Variants in SLCO2A1 observed in about 807,000 individuals in gnomAD.
SLCO2A1 encodes solute carrier organic anion transporter family member 2A1, also known as matrin F/G 1.
SLCO2A1 carries 60 observed loss-of-function variants against 71.7 expected under a neutral mutation model. That is an observed-to-expected ratio of 0.84 (90% CI 0.68 to 1.04). The LOEUF (loss-of-function observed/expected upper bound fraction) is 1.04, where lower values mean the gene tolerates loss of function less well. Ranked by LOEUF, SLCO2A1 falls within the 50% of genes least tolerant of loss-of-function variation. The probability of loss-of-function intolerance (pLI) is 0.00; values close to 1 mark genes in which losing one functional copy is unlikely to be tolerated. For synonymous variants in SLCO2A1, 308 were observed against 326.7 expected, an observed-to-expected ratio of 0.94 and a Z score of 0.62; for missense variants, 745 against 813.4, an observed-to-expected ratio of 0.92 and a Z score of 1.02.
At chr3:133,987,131 G>GCCCCCCCCCCCCCCCCCCCCCCCCCCCC (rs71136502) in intron 1 of SLCO2A1, among the ~76,000 whole-genome samples, 1 of 105,032 alleles carries the variant, frequency 9.5e-6, no homozygotes, top group African/African-American at 3.9e-5. Flanking sequence ...AAAATTCAAA[G>GCCCCCCCCCCCCCCCCCCCCCCCCCCCC]CCCCCCCCCC....
chr3:133,942,813 T>C, intron 10 of SLCO2A1, 45 bp from the exon 11 acceptor site: 1 of 1,559,358 alleles, frequency 6.4e-7, no homozygotes, highest in East Asian at 2.3e-5. Context: ...TTGTTATTAT[T>C]TCACTTTCAC....
chr3:134,020,526 G>T (rs1046509861), intron 1 of SLCO2A1, among the ~76,000 whole-genome samples: 1 of 152,226 alleles, frequency 6.6e-6, no homozygotes, highest in African/African-American at 2.4e-5. Context: ...TGTGTGGCAG[G>T]CCCCCATAGA....
At chr3:134,011,111 C>T (rs532277663) in intron 1 of SLCO2A1, among the ~76,000 whole-genome samples, 3 of 152,200 alleles carry the variant, frequency 2.0e-5, no homozygotes, top group South Asian at 2.1e-4. Context: ...AGTGCAATGG[C>T]GCGATCTCGG....
intron 9 of SLCO2A1, among the ~76,000 whole-genome samples, chr3:133,946,688 T>C (rs1031555551): frequency 4.6e-5 from 7 of 152,196 alleles, no homozygotes; most frequent in Non-Finnish European, 8.8e-5. Flanking sequence ...TCAAACAAAT[T>C]AGTTTTTGGT....
At chr3:134,005,733 G>A (rs530803967) in intron 1 of SLCO2A1, among the ~76,000 whole-genome samples, 250 of 152,062 alleles carry the variant, frequency 1.6e-3, no homozygotes, top group African/African-American at 5.4e-3. Flanking sequence ...CACCGGCCTC[G>A]GCCTCCCAAA....
chr3:134,027,100 G>A (rs1470402173), intron 1 of SLCO2A1, among the ~76,000 whole-genome samples: 2 of 152,064 alleles, frequency 1.3e-5, no homozygotes, highest in African/African-American at 2.4e-5. Flanking sequence ...AATCACTATC[G>A]ATCTGTCTTG....
intron 1 of SLCO2A1, among the ~76,000 whole-genome samples, chr3:134,012,595 T>C (rs989360774): frequency 3.9e-5 from 6 of 152,214 alleles, no homozygotes; most frequent in Non-Finnish European, 8.8e-5. Context: ...TCAACATTTA[T>C]ATAGATTCTA....
chr3:133,984,764 T>A (rs1934674462), intron 1 of SLCO2A1, among the ~76,000 whole-genome samples: 1 of 152,208 alleles, frequency 6.6e-6, no homozygotes, highest in African/African-American at 2.4e-5. Context: ...AACCTACCCT[T>A]CCCCATTATT....
intron 1 of SLCO2A1, among the ~76,000 whole-genome samples, chr3:133,982,905 T>C (rs1010134863): frequency 6.6e-6 from 1 of 152,182 alleles, no homozygotes; most frequent in African/African-American, 2.4e-5. Flanking sequence ...ACACTGCTGT[T>C]AGCCAAACAG....
chr3:134,022,014 A>G (rs1160727336), intron 1 of SLCO2A1, among the ~76,000 whole-genome samples: 1 of 151,598 alleles, frequency 6.6e-6, no homozygotes, highest in Non-Finnish European at 1.5e-5. Context: ...AAAAACTTTT[A>G]GAGGAAACCT....
chr3:133,937,119 G>A (rs1290471512), intron 12 of SLCO2A1, among the ~76,000 whole-genome samples: 1 of 152,146 alleles, frequency 6.6e-6, no homozygotes, highest in Non-Finnish European at 1.5e-5. Context: ...GAGAGTCCTT[G>A]TTTTCAAGGT....
At chr3:134,020,480 AG>A (rs1278637815) in intron 1 of SLCO2A1, among the ~76,000 whole-genome samples, 1 of 152,248 alleles carries the variant, frequency 6.6e-6, no homozygotes, top group Non-Finnish European at 1.5e-5. Flanking sequence ...GCTCAGGGGT[AG>A]GCATTTGCCC....
chr3:133,956,343 C>G (rs2108046520), intron 3 of SLCO2A1, among the ~76,000 whole-genome samples: 1 of 152,260 alleles, frequency 6.6e-6, no homozygotes, highest in East Asian at 1.9e-4. Context: ...CTGTGCTCTT[C>G]ATTGCCCTTT....
intron 10 of SLCO2A1, among the ~76,000 whole-genome samples, chr3:133,944,656 A>G (rs1319785344): frequency 6.6e-6 from 1 of 152,206 alleles, no homozygotes; most frequent in Non-Finnish European, 1.5e-5. Flanking sequence ...GGTTGAACCA[A>G]GTGCCCTCAG....
At chr3:133,949,097 G>A in intron 6 of SLCO2A1, 126 bp from the exon 7 acceptor site, 1 of 722,420 alleles carries the variant, frequency 1.4e-6, no homozygotes. Flanking sequence ...CCAGGCGTGT[G>A]TGCATGGGAG....
chr3:134,028,028 G>C (rs1385602720), intron 1 of SLCO2A1, among the ~76,000 whole-genome samples: 1 of 152,166 alleles, frequency 6.6e-6, no homozygotes, highest in Admixed American at 6.5e-5. Flanking sequence ...CAGCCCTCAG[G>C]TACGTGTGGT....
chr3:134,003,894 A>G (rs1477594015), intron 1 of SLCO2A1, among the ~76,000 whole-genome samples: 1 of 152,174 alleles, frequency 6.6e-6, no homozygotes, highest in Non-Finnish European at 1.5e-5. Flanking sequence ...GAAGGCCTTT[A>G]AAGCAGAGGT....
At chr3:133,967,398 A>G (rs1433152665) in intron 3 of SLCO2A1, among the ~76,000 whole-genome samples, 2 of 152,170 alleles carry the variant, frequency 1.3e-5, no homozygotes, top group Non-Finnish European at 1.5e-5. Flanking sequence ...CACCATCACC[A>G]TGGAGCGCAG....
In SLCO2A1 at chr3:134,007,113, T is replaced by C. The variant is rs529046429; in HGVS notation, c.96+22594A>G. On this transcript the variant is annotated intron_variant, in intron 1 of 13. Transcript: ENST00000310926. The stretch of plus-strand genomic sequence containing the variant: ...ATCTTTTCATGTGCCTTTTGGCCAC[T>C]TGTGTATCATTTTTAGAGAAATGTC... Among the ~76,000 whole-genome samples, 14 of 152,378 alleles carry C rather than the reference T, an allele frequency of 9.2e-5. No homozygotes were observed. In the South Asian group the frequency reaches 1.0e-3, roughly 11 times the overall value.
Sources: gnomAD v4.1 joint callset for allele counts (sites outside exome capture counted in the v4.1 genomes callset) on GRCh38, gnomAD v4.1.1 for gene constraint, MANE v1.5 for transcripts, NCBI Gene and HGNC (gene_info 2026-07-23, HGNC 2026-07-21) for gene names.